CCNF: variants seen among roughly 807,000 people sequenced by gnomAD.
The protein encoded by CCNF is cyclin-F.
A neutral mutation model predicts 85.4 loss-of-function variants in CCNF; 30 were observed. The observed-to-expected ratio is 0.35, with a 90% CI of 0.26 to 0.48. CCNF has a LOEUF of 0.48. CCNF is among the 20% of genes least tolerant of loss of function. The pLI is 0.99. For synonymous variants in CCNF, 439 were observed against 425.1 expected (o/e 1.03, Z -0.40); for missense variants, 919 against 1,010.4 (o/e 0.91, Z 1.23).
At chr16:2,450,121 C>T (rs1596928538) in intron 13 of CCNF, among the ~76,000 whole-genome samples, 3 of 151,750 alleles carry the variant, frequency 2.0e-5, no homozygotes, top group South Asian at 2.1e-4. Flanking sequence ...GCAGGAGAAT[C>T]GCTTGAACCC....
rs1235471869 is a variant in CCNF at position 2,451,754 on chromosome 16, C to T, written c.1488-1456C>T. On this transcript the variant is annotated intron_variant, in intron 13 of 16. Coordinates refer to ENST00000397066, the MANE Select transcript of CCNF (RefSeq NM_001761.3). This position sits in a 1 kb window ranked among gnomAD's most constrained non-coding sequence, Gnocchi z 4.3. The stretch of plus-strand genomic sequence containing the variant: ...CCAGCATTACGCTGACCCTCCCTCC[C>T]TCGGGGGCTTCGGCTTCCTGCCCTA... Among the ~76,000 whole-genome samples the T allele has an allele frequency of 1.3e-5, 2 of 152,212 alleles. No individual in the cohort carries two copies. The highest frequency in any genetic ancestry group is 4.8e-5 in the African/African-American group (2 of 41,456).
chr16:2,443,048 T>C (rs1363371856), intron 8 of CCNF, among the ~76,000 whole-genome samples: 1 of 120,758 alleles, frequency 8.3e-6, no homozygotes, highest in Non-Finnish European at 1.6e-5. Context: ...TATAATATTA[T>C]GTTATAATAT....
rs1040566309 is a variant in CCNF, at chr16:2,451,905, C to T, written c.1488-1305C>T. 5.3e-5 allele frequency among the ~76,000 whole-genome samples: 8 copies of T among 152,188 alleles called. No individual in the cohort carries two copies. Among genetic ancestry groups the T allele is most frequent in the African/African-American group, 1.2e-4 (5 of 41,452 alleles). On this transcript the variant is annotated intron_variant, in intron 13 of 16. Coordinates refer to ENST00000397066, the MANE Select transcript of CCNF (RefSeq NM_001761.3). This position sits in a 1 kb window ranked among gnomAD's most constrained non-coding sequence, Gnocchi z 4.3. ...ACCACTTCCAGAATTCAGGCCACAT[C>T]TCAACCTTGACCTGCCACCCCCCTG...
rs764827616 is a variant in CCNF, at chr16:2,449,266, C to T, written c.1219-16C>T. ...CCCCGAGCGCTGAGAGCCCACACCCCGTCCCGGCTGTCTAGGTCCCCACTG... is the reference window on the plus strand; with the variant it reads ...CCCCGAGCGCTGAGAGCCCACACCCTGTCCCGGCTGTCTAGGTCCCCACTG... On this transcript the variant is annotated splice_polypyrimidine_tract_variant and intron_variant, in intron 11 of 16. Transcript: ENST00000397066. 106 of 1,613,026 alleles carry T rather than the reference C, an allele frequency of 6.6e-5. No individual in the cohort carries two copies. The Admixed American group carries it at 6.7e-4, about 10-fold the overall frequency.
At chr16:2,440,746 G>A (rs929267929) in intron 8 of CCNF, among the ~76,000 whole-genome samples, 1 of 152,064 alleles carries the variant, frequency 6.6e-6, no homozygotes, top group Non-Finnish European at 1.5e-5. Context: ...GGCCCAGCCC[G>A]AGGTGTCATA....
chr16:2,431,980 G>C (rs562639566), intron 2 of CCNF, among the ~76,000 whole-genome samples: 1 of 151,614 alleles, frequency 6.6e-6, no homozygotes, highest in African/African-American at 2.4e-5. Context: ...ACAGGCACCC[G>C]CCACCACGCC....
intron 4 of CCNF, 199 bp from the exon 5 acceptor site, chr16:2,436,930 C>G: frequency 2.4e-6 from 1 of 423,262 alleles, no homozygotes; most frequent in Non-Finnish European, 4.2e-6. Flanking sequence ...ATCACAATGA[C>G]CCACCTGTTC....
intron 10 of CCNF, among the ~76,000 whole-genome samples, chr16:2,445,970 T>A (rs2065360319): frequency 6.6e-6 from 1 of 151,962 alleles, no homozygotes; most frequent in African/African-American, 2.4e-5. Context: ...TTTCAAATGA[T>A]CCGCCCGCCT....
At chr16:2,455,077 A>G (rs1367951638) in intron 15 of CCNF, among the ~76,000 whole-genome samples, 1 of 151,582 alleles carries the variant, frequency 6.6e-6, no homozygotes, top group South Asian at 2.1e-4. Context: ...AAAAAAAAAA[A>G]AAAAACACTG....
At position 2,455,572 on chromosome 16, in the gene CCNF, T is replaced by C; in HGVS notation, c.1885+8T>C. ...GCGAGAAGGAGGGCGACGGTGAGTG[T>C]GGGGCCAGGGTGCACCAGAAGGGAC... On this transcript the variant is annotated splice_region_variant and intron_variant, in intron 16 of 16. Transcript: ENST00000397066. The C allele has an allele frequency of 6.3e-7, 1 of 1,587,220 alleles. No homozygotes were observed. Among genetic ancestry groups the C allele is most frequent in the Non-Finnish European group, 8.6e-7 (1 of 1,159,028 alleles).
At chr16:2,445,290 C>T (rs991704128) in intron 9 of CCNF, 168 bp from the exon 10 acceptor site, 4 of 723,760 alleles carry the variant, frequency 5.5e-6, no homozygotes, top group East Asian at 2.6e-5. Context: ...CCCACGGAGC[C>T]TCCCGGGCTT....
intron 13 of CCNF, among the ~76,000 whole-genome samples, chr16:2,450,978 CCT>C (rs985205676): frequency 7.9e-5 from 12 of 152,210 alleles, no homozygotes; most frequent in African/African-American, 1.4e-4. Context: ...GATGTGACCC[CCT>C]GTCTGCCCCA....
intron 11 of CCNF, 59 bp downstream of exon 11, chr16:2,449,037 GGT>G: frequency 1.7e-6 from 2 of 1,157,798 alleles, no homozygotes; most frequent in Non-Finnish European, 2.6e-6. Context: ...GGAGGGTGGG[GGT>G]GGGCATTCAG....
Position 2,445,726 on chromosome 16 carries a change from G to GTGT in CCNF, c.1094+105_1094+106insGTT, listed in dbSNP as rs1555497785. The GTGT allele has an allele frequency of 6.0e-6, 5 of 835,410 alleles. No homozygotes were observed. The African/African-American group carries it at 7.7e-5, about 13-fold the overall frequency. 51.7% of individuals were successfully genotyped at this position (835,410 alleles called of 1,614,324 possible). Reference sequence around the variant, plus strand: ...CCTCACTGGTTTGGTTTTGTTTTGTGTTGTTTTTTTTTTTTTCCCGAGACC... The same window carrying GTGT: ...CCTCACTGGTTTGGTTTTGTTTTGTGTGTTTGTTTTTTTTTTTTTCCCGAGACC... On this transcript the variant is annotated intron_variant, in intron 10 of 16. Transcript: ENST00000397066.
At chr16:2,443,870 T>A in intron 9 of CCNF, 70 bp downstream of exon 9, 1 of 1,486,304 alleles carries the variant, frequency 6.7e-7, no homozygotes, top group Non-Finnish European at 9.3e-7. Flanking sequence ...AGGGAGCCCT[T>A]TCCACTTAAC....
At chr16:2,440,384 C>G (rs1276593875) in intron 8 of CCNF, among the ~76,000 whole-genome samples, 1 of 151,762 alleles carries the variant, frequency 6.6e-6, no homozygotes, top group Non-Finnish European at 1.5e-5. Flanking sequence ...TCTGGGAGGC[C>G]AAGGTGGGCG....
rs2065439266 is a variant in CCNF, at chr16:2,457,923, A to G, written c.*903A>G. The G allele has an allele frequency of 6.6e-6, 1 of 152,250 alleles. No individual in the cohort carries two copies. Among genetic ancestry groups the G allele is most frequent in the African/African-American group, 2.4e-5 (1 of 41,464 alleles). The allele number at this position is 152,250 out of a possible 1,614,324, so 9.4% of individuals were successfully genotyped here. A position where few individuals can be genotyped will look rare whatever the true frequency, so the allele number is the denominator to read the frequency against. The stretch of plus-strand genomic sequence containing the variant: ...AGATAGGCTAGCCAGAAAAAACTTC[A>G]AGTCCTCTGTAACATCTGAGGTGAC... On this transcript the variant is annotated 3_prime_UTR_variant, in exon 17 of 17. Transcript: ENST00000397066.
chr16:2,436,156 G>A (rs1256440556), intron 4 of CCNF: 3 of 348,972 alleles, frequency 8.6e-6, no homozygotes, highest in Admixed American at 9.0e-5. Context: ...CACGGGGGCT[G>A]TTTGGGCTCC....
chr16:2,438,119 T>G lies in CCNF; in HGVS notation c.590T>G (p.Phe197Cys). ...TGCTTGGGCAGAGTGCTGAGTCTGTTCGAGGTGAGTCAAGTTGTTCTCTGC... is the reference window on the plus strand; with the variant it reads ...TGCTTGGGCAGAGTGCTGAGTCTGTGCGAGGTGAGTCAAGTTGTTCTCTGC... ...LHCLGRVLSL[F>C]EDEEKQQQAH... Residue 197 changes from phenylalanine to cysteine, a missense_variant, in exon 6 of 17, where the codon TTC becomes TGC. Phe to Cys is a radical substitution (Grantham distance 205). Around this residue, in one of 3 missense-constraint regions of CCNF, gnomAD observed 410 missense variants for 478.6 expected, o/e 0.86. Transcript: ENST00000397066. 1 of 1,606,240 alleles carries G rather than the reference T, an allele frequency of 6.2e-7. No individual in the cohort carries two copies. The highest frequency in any genetic ancestry group is 1.7e-5 in the Admixed American group (1 of 59,996).
Sources: allele counts gnomAD v4.1 joint callset (sites outside exome capture counted in the v4.1 genomes callset), GRCh38; gene constraint gnomAD v4.1.1; regional missense constraint gnomAD v4.1.1; non-coding constraint Gnocchi (gnomAD v3.1); transcripts MANE v1.5; gene names NCBI Gene and HGNC (gene_info 2026-07-23, HGNC 2026-07-21).